Variants in CACNA1S observed in about 807,000 individuals in gnomAD.
CACNA1S encodes the protein calcium voltage-gated channel subunit alpha1 S.
In CACNA1S, 126 loss-of-function variants were observed where a neutral mutation model predicts 207.4. The observed-to-expected ratio is 0.61, with a 90% confidence interval of 0.53 to 0.70. The LOEUF (loss-of-function observed/expected upper bound fraction) is 0.70. CACNA1S is among the 30% of genes least tolerant of loss of function. CACNA1S has a pLI of 0.00. For synonymous variants in CACNA1S, 960 were observed against 932.7 expected (o/e 1.03, Z -0.53); for missense variants, 2,349 against 2,422.8 (o/e 0.97, Z 0.64).
chr1:201,075,429 C>T lies in CACNA1S; in HGVS notation c.1948+66G>A, dbSNP rs1378179892. 11 of 1,603,966 alleles carry T rather than the reference C, an allele frequency of 6.9e-6. No individual in the cohort carries two copies. The East Asian group carries it at 2.0e-4, about 29-fold the overall frequency. On this transcript the variant is annotated intron_variant, in intron 13 of 43. Transcript: ENST00000362061. ...CTAGAAACTGGACACCCTTGACCCCCATTTTAAGCCCTTTCCCCCACCCCC... is the reference window on the plus strand; with the variant it reads ...CTAGAAACTGGACACCCTTGACCCCTATTTTAAGCCCTTTCCCCCACCCCC...
intron 19 of CACNA1S, among the ~76,000 whole-genome samples, chr1:201,068,378 G>A (rs1661325374): frequency 6.7e-6 from 1 of 150,088 alleles, no homozygotes; most frequent in Admixed American, 6.6e-5. Context: ...GAGTAGTTGG[G>A]ATTACAGGTG....
intron 2 of CACNA1S, among the ~76,000 whole-genome samples, chr1:201,106,810 A>T (rs1662910458): frequency 1.3e-5 from 2 of 152,182 alleles, no homozygotes; most frequent in South Asian, 4.1e-4. Flanking sequence ...CATAGTGGAC[A>T]TCCGGCACCC....
rs759331517 is a variant in CACNA1S at position 201,053,496 on chromosome 1, A to G, written c.3758T>C (p.Val1253Ala). ...LIKLLSRAEG[V>A]RTLLWTFIKS... ...GATGAACGTCCACAGGAGGGTTCGC[A>G]CTCCTTCTGCCCGGCTCAGCAGCTT... The change falls in exon 30 of 44, where the codon GTG becomes GCG. Residue 1253 changes from valine (V) to alanine (A), a missense_variant. Coordinates refer to ENST00000362061, the MANE Select transcript of CACNA1S (RefSeq NM_000069.3). The surrounding 1 kb of genome is among the most constrained non-coding windows in gnomAD (Gnocchi z 5.1). 6.2e-6 allele frequency: 10 copies of G among 1,613,586 alleles called. No individual in the cohort carries two copies. In the East Asian group the frequency reaches 6.7e-5, roughly 11 times the overall value.
chr1:201,089,837 T>C (rs1475978562), intron 5 of CACNA1S, among the ~76,000 whole-genome samples: 1 of 152,200 alleles, frequency 6.6e-6, no homozygotes, highest in Non-Finnish European at 1.5e-5. Flanking sequence ...AGGGCTCACA[T>C]GTTCTGACTT....
At chr1:201,072,006 T>C (rs1661449187) in intron 16 of CACNA1S, among the ~76,000 whole-genome samples, 1 of 152,162 alleles carries the variant, frequency 6.6e-6, no homozygotes. Flanking sequence ...TAAGTAGACA[T>C]ACAAGTAGCT....
rs1197263218 is a variant in CACNA1S, at chr1:201,089,410, A to C, written c.748T>G (p.Ser250Ala). The C allele has an allele frequency of 6.2e-7, 1 of 1,614,042 alleles. No homozygotes were observed. Among genetic ancestry groups the C allele is most frequent in the African/African-American group, 1.3e-5 (1 of 74,936 alleles). The change falls in exon 6 of 44, where the codon TCA becomes GCA. Residue 250 changes from serine to alanine, a missense_variant. Physicochemically the swap from Ser to Ala is moderately conservative, Grantham distance 99. Transcript: ENST00000362061. ...EEPSPCARTG[S>A]GRRCTINGSE... is the part of the protein sequence containing the mutation. ...CCATTGATGGTGCACCGGCGCCCTG[A>C]GCCCGTCCTGGCGCAGGGCGATGGC...
intron 10 of CACNA1S, among the ~76,000 whole-genome samples, chr1:201,078,512 A>C (rs1291210534): frequency 2.3e-5 from 2 of 86,378 alleles, no homozygotes; most frequent in African/African-American, 1.1e-4. Flanking sequence ...TTTTTAAATT[A>C]GCTTCAAAAA....
rs1423281641 is a variant in CACNA1S, at chr1:201,077,917, G to C, written c.1581C>G (p.Leu527=). The C allele has an allele frequency of 1.2e-6, 2 of 1,614,102 alleles. No homozygotes were observed. Among genetic ancestry groups the C allele is most frequent in the Non-Finnish European group, 1.7e-6 (2 of 1,179,934 alleles). ...AGATCCTCAGGAGGCGGATGCAGCG[G>C]AGCACGGAGATGCCCAGGGGTGTCA... The part of the protein sequence containing the change: ...GAMTPLGISV[L]RCIRLLRIFK... Residue 527 remains leucine (L), a synonymous_variant, in exon 11 of 44, where the codon CTC becomes CTG. Transcript: ENST00000362061.
chr1:201,091,575 G>A, intron 5 of CACNA1S, 65 bp downstream of exon 5: 2 of 1,581,882 alleles, frequency 1.3e-6, no homozygotes, highest in Non-Finnish European at 1.7e-6. Context: ...CACCAGGTAG[G>A]GTGGCTCCCC....
intron 3 of CACNA1S, 26 bp from the exon 4 acceptor site, chr1:201,092,140 G>C (rs1354498322): frequency 1.2e-6 from 2 of 1,613,968 alleles, no homozygotes; most frequent in Non-Finnish European, 1.7e-6. Flanking sequence ...GGGAGAGAGG[G>C]GGTCCAGGGG....
intron 7 of CACNA1S, among the ~76,000 whole-genome samples, chr1:201,087,380 T>C (rs765312351): frequency 1.8e-4 from 28 of 152,150 alleles, no homozygotes; most frequent in Admixed American, 7.2e-4. Context: ...CCAGAGTCTG[T>C]GTGCTTAACC....
chr1:201,090,473 T>A (rs937175809), intron 5 of CACNA1S, among the ~76,000 whole-genome samples: 1 of 152,188 alleles, frequency 6.6e-6, no homozygotes, highest in African/African-American at 2.4e-5. Flanking sequence ...GGTTTAGGAC[T>A]GGTGTTGACT....
At chr1:201,092,437 C>T (rs1662271269) in intron 3 of CACNA1S, among the ~76,000 whole-genome samples, 2 of 152,166 alleles carry the variant, frequency 1.3e-5, no homozygotes, top group Non-Finnish European at 2.9e-5. Context: ...ACCCCCAACA[C>T]GGGCTGGAGG....
chr1:201,066,248 T>C lies in CACNA1S; in HGVS notation c.2726A>G (p.Asn909Ser), dbSNP rs139935847. ...TCTCACCTTCAACCCCTTGGCTCTG[T>C]TGATGGCTCTGAGTGGTCGGAGCAC... ...LRVLRPLRAINRAKGLKHVVQ... is the reference protein window; with the variant it reads ...LRVLRPLRAISRAKGLKHVVQ... The change falls in exon 21 of 44, where the codon AAC (asparagine) becomes AGC (serine). Residue 909 changes from asparagine to serine, a missense_variant. Transcript: ENST00000362061. This position sits in a 1 kb window ranked among gnomAD's most constrained non-coding sequence, Gnocchi z 4.3. 1.0e-4 allele frequency: 167 copies of C among 1,613,800 alleles called. No individual in the cohort carries two copies. The highest frequency in any genetic ancestry group is 1.4e-4 in the Non-Finnish European group (164 of 1,180,004).
chr1:201,055,136 T>A (rs2102564872), intron 28 of CACNA1S, among the ~76,000 whole-genome samples: 1 of 152,272 alleles, frequency 6.6e-6, no homozygotes, highest in East Asian at 1.9e-4. Flanking sequence ...TGGGTAGGTG[T>A]GTGGGAGCAA....
At chr1:201,070,213 G>A in intron 17 of CACNA1S, 59 bp downstream of exon 17, 1 of 1,594,566 alleles carries the variant, frequency 6.3e-7, no homozygotes, top group Admixed American at 1.7e-5. Context: ...TTTTTTCTAG[G>A]GCAGGGAAGC....
At chr1:201,045,869 G>C (rs1660453034) in intron 38 of CACNA1S, among the ~76,000 whole-genome samples, 2 of 151,656 alleles carry the variant, frequency 1.3e-5, no homozygotes, top group Non-Finnish European at 2.9e-5. Context: ...ACAATGCCTT[G>C]AAATATGCAT....
chr1:201,048,832 A>G (rs1660557446), intron 35 of CACNA1S, 148 bp from the exon 36 acceptor site: 3 of 840,220 alleles, frequency 3.6e-6, no homozygotes, highest in Non-Finnish European at 5.9e-6. Context: ...GAGGGGACAG[A>G]ATGATGAGTT....
rs776511761 is a variant in CACNA1S, at chr1:201,048,628, G to A, written c.4395C>T (p.Ala1465=). 2 of 1,613,996 alleles carry A rather than the reference G, an allele frequency of 1.2e-6. No individual in the cohort carries two copies. Among genetic ancestry groups the A allele is most frequent in the South Asian group, 1.1e-5 (1 of 91,090 alleles). ...CCGTGCGGACCAGGGCAAAGAGTGT[G>A]GCATTGAAGGTGACTGTGCCGTCGC... ...LNSDGTVTFN[A]TLFALVRTAL... The change falls in exon 36 of 44, where the codon GCC becomes GCT. Residue 1465 remains alanine, a synonymous_variant. Coordinates refer to ENST00000362061, the MANE Select transcript of CACNA1S (RefSeq NM_000069.3).
Sources: allele counts gnomAD v4.1 joint callset (sites outside exome capture counted in the v4.1 genomes callset), GRCh38; gene constraint gnomAD v4.1.1; non-coding constraint Gnocchi (gnomAD v3.1); transcripts MANE v1.5; gene names NCBI Gene and HGNC (gene_info 2026-07-23, HGNC 2026-07-21).